ARHGAP4: variants seen among roughly 807,000 people sequenced by gnomAD.
ARHGAP4 encodes the protein rho GTPase-activating protein 4.
ARHGAP4 carries 25 observed loss-of-function variants against 67.6 expected under a neutral mutation model. The observed-to-expected ratio is 0.37, with a 90% CI of 0.27 to 0.52. ARHGAP4 has a LOEUF of 0.52. ARHGAP4 is among the 20% of genes least tolerant of loss of function. ARHGAP4 has a pLI of 0.92. For missense variants in ARHGAP4, 804 were observed against 854.6 expected (o/e 0.94, Z 0.74); for synonymous variants, 448 against 373.7 (o/e 1.20, Z -2.29).
chrX:153,913,374 C>T (rs782215141), intron 9 of ARHGAP4, 35 bp downstream of exon 9: 3 of 1,208,066 alleles, frequency 2.5e-6, no homozygotes, highest in Non-Finnish European at 3.4e-6. Flanking sequence ...AGCAATGCCC[C>T]CACGGGTCCC....
intron 8 of ARHGAP4, 81 bp downstream of exon 8, chrX:153,913,697 G>A: frequency 2.6e-6 from 3 of 1,166,290 alleles, no homozygotes; most frequent in Non-Finnish European, 3.5e-6. Context: ...GAGGGGGGCA[G>A]GCAGGGCAGC....
rs782582796 is a variant in ARHGAP4, at chrX:153,921,669, G to T, written c.208C>A (p.Leu70Met). 8.3e-7 allele frequency: 1 copy of T among 1,209,253 alleles called. No individual in the cohort carries two copies. The highest frequency in any genetic ancestry group is 3.0e-5 in the East Asian group (1 of 33,776). The change falls in exon 2 of 22, where the codon CTG becomes ATG. Residue 70 changes from leucine (L) to methionine (M), a missense_variant. Physicochemically the swap from Leu to Met is conservative, Grantham distance 15 (BLOSUM62 2). Transcript: ENST00000350060. Reference sequence around the variant, plus strand: ...CCACGGCTGGAGAAGCGCTCGGCCAGCTTTTCCAGGCCCCGGGAGTATTCC... The same window carrying T: ...CCACGGCTGGAGAAGCGCTCGGCCATCTTTTCCAGGCCCCGGGAGTATTCC... Reference protein sequence around the residue: ...ELEYSRGLEKLAERFSSRGGR... With the variant: ...ELEYSRGLEKMAERFSSRGGR...
intron 7 of ARHGAP4, among the ~76,000 whole-genome samples, chrX:153,915,230 G>A (rs2065048165): frequency 9.0e-6 from 1 of 111,108 alleles, no homozygotes; most frequent in African/African-American, 3.3e-5. Context: ...GCCAGGGCTG[G>A]GGGGTGGGGA....
chrX:153,910,525 G>C lies in ARHGAP4; in HGVS notation c.1903C>G (p.Leu635Val), dbSNP rs2065011701. ...PAPVLVVLRYLFTFLNHLAQY... is the reference protein window; with the variant it reads ...PAPVLVVLRYVFTFLNHLAQY... ...ACTCACTGGTTGAGGAAGGTGAAGA[G>C]GTAGCGCAGAACCACCAGCACCGGC... The change falls in exon 16 of 22, where the codon CTC becomes GTC. Residue 635 changes from leucine (L) to valine (V), a missense_variant. Physicochemically the swap from Leu to Val is conservative, Grantham distance 32. Transcript: ENST00000350060. 4.2e-6 allele frequency: 5 copies of C among 1,204,304 alleles called. No individual in the cohort carries two copies. The highest frequency in any genetic ancestry group is 5.9e-5 in the East Asian group (2 of 33,620).
rs1557102878 is a variant in ARHGAP4 at position 153,910,609 on chromosome X, G to C, written c.1819C>G (p.Leu607Val). The C allele has an allele frequency of 9.1e-6, 11 of 1,204,816 alleles. No individual in the cohort carries two copies. The highest frequency in any genetic ancestry group is 3.4e-5 in the African/African-American group (2 of 57,977). The change falls in exon 16 of 22, where the codon CTG becomes GTG. Residue 607 changes from leucine (L) to valine (V), a missense_variant and splice_region_variant. Coordinates refer to ENST00000350060, the MANE Select transcript of ARHGAP4 (RefSeq NM_001666.5). ...TCCACCCTCTCCGCTGTGGCCTCCA[G>C]CTCTGTGGCCAAAGCCGCCCAGAGA... ...LFGELLASSE[L>V]EATAERVEHV... is the part of the protein sequence containing the mutation.
chrX:153,910,046 C>T lies in ARHGAP4; in HGVS notation c.2196G>A (p.Pro732=). ...QLESLGADNE[P]ELEAEMPAQE... The stretch of plus-strand genomic sequence containing the variant: ...GTGCGGGCATCTCGGCTTCCAGCTC[C>T]GGCTCATTGTCCGCCCCCAGGCTCT... Residue 732 remains proline, a synonymous_variant, in exon 18 of 22, where the codon CCG becomes CCA. Coordinates refer to ENST00000350060, the MANE Select transcript of ARHGAP4 (RefSeq NM_001666.5). The T allele has an allele frequency of 8.3e-7, 1 of 1,211,506 alleles. No homozygotes were observed. Among genetic ancestry groups the T allele is most frequent in the Non-Finnish European group, 1.1e-6 (1 of 895,517 alleles).
In ARHGAP4 at chrX:153,907,723, G is replaced by C; in HGVS notation, c.*6C>G. 1.0e-6 allele frequency: 1 copy of C among 955,064 alleles called. No individual in the cohort carries two copies. Among genetic ancestry groups the C allele is most frequent in the Non-Finnish European group, 1.4e-6 (1 of 735,622 alleles). The allele number at this position is 955,064 out of a possible 1,213,427, so 78.7% of individuals were successfully genotyped here. Reference sequence around the variant, plus strand: ...GCCGGGGGCACGCATCTCCAGCAGCGGCACCTCAGTGTGGCTTGGGGGTCG... The same window carrying C: ...GCCGGGGGCACGCATCTCCAGCAGCCGCACCTCAGTGTGGCTTGGGGGTCG... On this transcript the variant is annotated 3_prime_UTR_variant, in exon 22 of 22. Transcript: ENST00000350060.
chrX:153,921,200 C>A, intron 3 of ARHGAP4, 41 bp from the exon 4 acceptor site: 2 of 1,183,233 alleles, frequency 1.7e-6, no homozygotes, highest in East Asian at 3.1e-5. Context: ...CTGCCCAGAG[C>A]GGCCCCGCCA....
At chrX:153,925,109 A>G (rs1325818849) in intron 1 of ARHGAP4, among the ~76,000 whole-genome samples, 1 of 112,024 alleles carries the variant, frequency 8.9e-6, no homozygotes, top group African/African-American at 3.2e-5. Context: ...GATGGAGATC[A>G]TTACCTCCAT....
rs2065127553 is a variant in ARHGAP4, at chrX:153,926,225, C to T, written c.-23G>A. 8.5e-7 allele frequency: 1 copy of T among 1,172,582 alleles called. No homozygotes were observed. On this transcript the variant is annotated 5_prime_UTR_variant, in exon 1 of 22. Transcript: ENST00000350060. Reference sequence around the variant, plus strand: ...CATGGCGGCCTCGCGGCCGCGCCGTCGAACCCCACTGCTCCCACGCGGCCG... The same window carrying T: ...CATGGCGGCCTCGCGGCCGCGCCGTTGAACCCCACTGCTCCCACGCGGCCG...
intron 7 of ARHGAP4, chrX:153,914,238 G>C (rs1425318128): frequency 8.3e-6 from 2 of 240,873 alleles, no homozygotes; most frequent in Admixed American, 6.1e-5. Flanking sequence ...TGGAGCAGTG[G>C]GGTGCCAGTG....
chrX:153,910,895 A>ACCCCCCCCCCCCCCC, intron 14 of ARHGAP4, 27 bp downstream of exon 14: 1 of 472,490 alleles, frequency 2.1e-6, no homozygotes, highest in Non-Finnish European at 2.9e-6. Flanking sequence ...CCGAGCCCCC[A>ACCCCCCCCCCCCCCC]CCCCCGCCCG....
intron 4 of ARHGAP4, 119 bp downstream of exon 4, chrX:153,920,978 G>A (rs1048480593): frequency 6.8e-6 from 7 of 1,029,915 alleles, no homozygotes; most frequent in African/African-American, 1.9e-5. Flanking sequence ...CCCTAGGTGC[G>A]TGCTTCTCCC....
At position 153,919,008 on chromosome X, in the gene ARHGAP4, T is replaced by C; in HGVS notation, c.856A>G (p.Ser286Gly). The C allele has an allele frequency of 8.3e-7, 1 of 1,211,455 alleles. No homozygotes were observed. The highest frequency in any genetic ancestry group is 1.1e-6 in the Non-Finnish European group (1 of 895,419). Residue 286 changes from serine (S) to glycine (G), a missense_variant, in exon 7 of 22, where the codon AGC (serine) becomes GGC (glycine). By Grantham distance (56) the Ser-to-Gly change is moderately conservative. Around this residue, in one of 2 missense-constraint regions of ARHGAP4, gnomAD observed 404 missense variants for 505.9 expected, o/e 0.80. Transcript: ENST00000350060. The part of the protein sequence containing the change: ...FHLALGQVLR[S>G]YTAAESRTQA... ...GTGCGGCTCTCAGCGGCCGTGTAGC[T>C]CCGGAGCACCTGCCCCAGGGCCAGG...
At position 153,909,732 on chromosome X, in the gene ARHGAP4, C is replaced by T. The variant is rs1557102307; in HGVS notation, c.2414+9G>A. 1 of 1,181,453 alleles carries T rather than the reference C, an allele frequency of 8.5e-7. No homozygotes were observed. Among genetic ancestry groups the T allele is most frequent in the East Asian group, 3.0e-5 (1 of 33,327 alleles). ...GGAGCCCTGGGGCCTGAGGGCGCGGCTCACTCACCCGGCGGGCAGCGTGAT... is the reference window on the plus strand; with the variant it reads ...GGAGCCCTGGGGCCTGAGGGCGCGGTTCACTCACCCGGCGGGCAGCGTGAT... On this transcript the variant is annotated intron_variant, in intron 19 of 21. Coordinates refer to ENST00000350060, the MANE Select transcript of ARHGAP4 (RefSeq NM_001666.5).
At chrX:153,909,962 G>A in intron 18 of ARHGAP4, 38 bp from the exon 19 acceptor site, 1 of 1,208,747 alleles carries the variant, frequency 8.3e-7, no homozygotes, top group Non-Finnish European at 1.1e-6. Flanking sequence ...GGGAGGGGGT[G>A]TGGACACTAG....
chrX:153,918,690 G>T, intron 7 of ARHGAP4, 142 bp downstream of exon 7: 1 of 665,138 alleles, frequency 1.5e-6, no homozygotes, highest in Non-Finnish European at 2.3e-6. Context: ...GCAAATGGAA[G>T]TGGGACACTT....
At chrX:153,914,212 C>T in intron 7 of ARHGAP4, 1 of 265,176 alleles carries the variant, frequency 3.8e-6, no homozygotes, top group Non-Finnish European at 6.8e-6. Flanking sequence ...AGACAGGAAG[C>T]AGAGTGGGTG....
At chrX:153,916,276 G>A (rs1236959494) in intron 7 of ARHGAP4, among the ~76,000 whole-genome samples, 1 of 112,847 alleles carries the variant, frequency 8.9e-6, no homozygotes, top group East Asian at 2.8e-4. Context: ...GCTTCCAGAA[G>A]GCATCCAATC....
Sources: gnomAD v4.1 joint callset for allele counts (sites outside exome capture counted in the v4.1 genomes callset) on GRCh38, gnomAD v4.1.1 for gene constraint, gnomAD v4.1.1 regional missense constraint, MANE v1.5 for transcripts, NCBI Gene and HGNC (gene_info 2026-07-23, HGNC 2026-07-21) for gene names.